ALCAM: variants seen among roughly 807,000 people sequenced by gnomAD.
ALCAM encodes the protein activated leukocyte cell adhesion molecule, also known as CD166 antigen.
In ALCAM, 30 loss-of-function variants were observed where a neutral mutation model predicts 70.9. That is an observed-to-expected ratio of 0.42 (90% confidence interval 0.32 to 0.57). The LOEUF (loss-of-function observed/expected upper bound fraction) is 0.57. Ranked by LOEUF, ALCAM falls within the 20% of genes least tolerant of loss-of-function variation. The pLI, the probability that ALCAM is intolerant of heterozygous loss-of-function variation, is 0.11. For synonymous variants in ALCAM, 249 were observed against 242.5 expected (o/e 1.03, Z -0.25); for missense variants, 591 against 695.1 (o/e 0.85, Z 1.68).
Position 105,547,539 on chromosome 3 carries a change from C to T in ALCAM, c.1374+16C>T. The T allele has an allele frequency of 2.5e-6, 4 of 1,604,874 alleles. No individual in the cohort carries two copies. Among genetic ancestry groups the T allele is most frequent in the Non-Finnish European group, 3.4e-6 (4 of 1,175,622 alleles). On this transcript the variant is annotated intron_variant, in intron 11 of 15. Transcript: ENST00000306107. ...CATAAACCAAGCAAGTATTTGTCTT[C>T]TTGTTATATGCTGCACTTCGTCCAA...
intron 14 of ALCAM, among the ~76,000 whole-genome samples, chr3:105,568,235 G>A (rs1273293593): frequency 6.6e-6 from 1 of 151,418 alleles, no homozygotes; most frequent in African/African-American, 2.4e-5. Flanking sequence ...GCTAATTTTT[G>A]TATTTTTAGT....
chr3:105,522,169 G>C (rs1222448179), intron 2 of ALCAM, among the ~76,000 whole-genome samples: 6 of 152,172 alleles, frequency 3.9e-5, no homozygotes, highest in Non-Finnish European at 8.8e-5. Context: ...AACTGAACTG[G>C]CACAGTGGCA....
chr3:105,541,245 T>A (rs1940108320), intron 7 of ALCAM, among the ~76,000 whole-genome samples: 1 of 151,432 alleles, frequency 6.6e-6, no homozygotes, highest in African/African-American at 2.4e-5. Flanking sequence ...TCCTTCCTTT[T>A]ATGTTTTTTC....
At chr3:105,560,926 C>T (rs1321530475) in intron 14 of ALCAM, among the ~76,000 whole-genome samples, 1 of 152,254 alleles carries the variant, frequency 6.6e-6, no homozygotes, top group East Asian at 1.9e-4. Flanking sequence ...TTGCTAATTT[C>T]TGTGCCACAA....
chr3:105,501,254 A>G (rs1938912157), intron 1 of ALCAM, among the ~76,000 whole-genome samples: 1 of 152,238 alleles, frequency 6.6e-6, no homozygotes, highest in Non-Finnish European at 1.5e-5. Flanking sequence ...CAGGAATTTC[A>G]AAATACTGTT....
rs527599924 is a variant in ALCAM, at chr3:105,382,903, A to G, written c.73+15422A>G. Among the ~76,000 whole-genome samples, 10 of 152,022 alleles carry G rather than the reference A, an allele frequency of 6.6e-5. No individual in the cohort carries two copies. The East Asian group carries it at 1.4e-3, about 21-fold the overall frequency. ...CTTCAAATACTTCGGACACTTCCCA[A>G]TATAGTCAGGGTAAAATAGTAACTT... On this transcript the variant is annotated intron_variant, in intron 1 of 15. Coordinates refer to ENST00000306107, the MANE Select transcript of ALCAM (RefSeq NM_001627.4).
intron 14 of ALCAM, chr3:105,553,163 G>C (rs1392939431): frequency 1.1e-6 from 1 of 888,330 alleles, no homozygotes; most frequent in East Asian, 1.2e-4. Context: ...ATGCTTTAGA[G>C]ATGTTAAACA....
intron 1 of ALCAM, among the ~76,000 whole-genome samples, chr3:105,375,613 T>C (rs1158098258): frequency 6.6e-6 from 1 of 152,106 alleles, no homozygotes; most frequent in Non-Finnish European, 1.5e-5. Flanking sequence ...TTGTTTGAAA[T>C]TCACCTGGGA....
intron 8 of ALCAM, 142 bp from the exon 9 acceptor site, chr3:105,545,081 A>G (rs1420868749): frequency 3.1e-6 from 2 of 653,106 alleles, no homozygotes; most frequent in Non-Finnish European, 5.7e-6. Flanking sequence ...CTATAGTCCA[A>G]TTATTTTAGT....
chr3:105,424,386 C>T (rs1158114122), intron 1 of ALCAM, among the ~76,000 whole-genome samples: 2 of 151,476 alleles, frequency 1.3e-5, no homozygotes, highest in Admixed American at 6.6e-5. Context: ...TAGAATAGTC[C>T]GAATTTCAAA....
At chr3:105,506,649 A>T (rs1233615371) in intron 1 of ALCAM, among the ~76,000 whole-genome samples, 1 of 152,204 alleles carries the variant, frequency 6.6e-6, no homozygotes, top group Non-Finnish European at 1.5e-5. Context: ...AGCTGTTAAA[A>T]ATAGCAGAGC....
intron 1 of ALCAM, among the ~76,000 whole-genome samples, chr3:105,411,909 C>T (rs1485236955): frequency 6.6e-6 from 1 of 151,646 alleles, no homozygotes; most frequent in Non-Finnish European, 1.5e-5. Flanking sequence ...TATTTTTATT[C>T]TAAAGATGAA....
intron 6 of ALCAM, among the ~76,000 whole-genome samples, chr3:105,535,967 A>G (rs1028573530): frequency 6.6e-6 from 1 of 152,144 alleles, no homozygotes; most frequent in Non-Finnish European, 1.5e-5. Context: ...CTAATATTAA[A>G]AGGTAGTTTT....
At chr3:105,441,593 G>A (rs937882790) in intron 1 of ALCAM, among the ~76,000 whole-genome samples, 2 of 152,172 alleles carry the variant, frequency 1.3e-5, no homozygotes, top group Non-Finnish European at 2.9e-5. Context: ...GACCTTGACT[G>A]TGCATCCTTC....
chr3:105,490,601 G>A (rs1208204944), intron 1 of ALCAM, among the ~76,000 whole-genome samples: 1 of 152,126 alleles, frequency 6.6e-6, no homozygotes, highest in Non-Finnish European at 1.5e-5. Context: ...AAGAAAGCAT[G>A]TTATAGATTA....
chr3:105,556,406 G>A (rs1415836577), intron 14 of ALCAM, among the ~76,000 whole-genome samples: 2 of 151,962 alleles, frequency 1.3e-5, no homozygotes, highest in African/African-American at 4.8e-5. Context: ...CTTACTGAGA[G>A]ATTTACCTTT....
intron 1 of ALCAM, among the ~76,000 whole-genome samples, chr3:105,502,704 G>T (rs1338336158): frequency 1.3e-5 from 2 of 152,190 alleles, no homozygotes; most frequent in African/African-American, 2.4e-5. Context: ...ATTTTCCACT[G>T]CCTCCCTGTG....
intron 1 of ALCAM, among the ~76,000 whole-genome samples, chr3:105,478,129 G>T (rs530216080): frequency 6.6e-6 from 1 of 151,514 alleles, no homozygotes; most frequent in Non-Finnish European, 1.5e-5. Context: ...ATTTTTTATC[G>T]TATCCTTGAC....
At chr3:105,564,483 C>G (rs1460263377) in intron 14 of ALCAM, among the ~76,000 whole-genome samples, 1 of 152,204 alleles carries the variant, frequency 6.6e-6, no homozygotes, top group Non-Finnish European at 1.5e-5. Flanking sequence ...GAACCTTTGT[C>G]TATCACTTTC....
Sources: allele counts gnomAD v4.1 joint callset (sites outside exome capture counted in the v4.1 genomes callset), GRCh38; gene constraint gnomAD v4.1.1; transcripts MANE v1.5; gene names NCBI Gene and HGNC (gene_info 2026-07-23, HGNC 2026-07-21).